The following EPSTI1 variants were observed in gnomAD, a reference collection of about 807,000 sequenced individuals.
EPSTI1 encodes epithelial stromal interaction 1.
In EPSTI1, 66 loss-of-function variants were observed where a neutral mutation model predicts 49.9. The ratio of observed to expected loss-of-function variants is 1.32; its 90% CI spans 1.08 to 1.62. The LOEUF is 1.62. EPSTI1 is among the 40% of genes most tolerant of loss of function. The probability of loss-of-function intolerance (pLI) is 0.00; values close to 1 mark genes in which losing one functional copy is unlikely to be tolerated. For synonymous variants in EPSTI1, 137 were observed against 130.7 expected (o/e 1.05, Z -0.33); for missense variants, 394 against 365.5 (o/e 1.08, Z -0.64).
At chr13:42,897,583 A>G (rs766436517) in intron 9 of EPSTI1, among the ~76,000 whole-genome samples, 1 of 152,242 alleles carries the variant, frequency 6.6e-6, no homozygotes, top group African/African-American at 2.4e-5. Context: ...ACTGCAAAAC[A>G]GCTCACTGGC....
At chr13:42,989,567 C>CTTTTTTTTTTTTTT in intron 1 of EPSTI1, among the ~76,000 whole-genome samples, 6 of 79,018 alleles carry the variant, frequency 7.6e-5, no homozygotes, top group Admixed American at 1.6e-4. Context: ...CCTCTTTTTT[C>CTTTTTTTTTTTTTT]TTTTTTTTTT....
At chr13:42,940,309 T>A (rs1318207127) in intron 6 of EPSTI1, among the ~76,000 whole-genome samples, 1 of 152,212 alleles carries the variant, frequency 6.6e-6, no homozygotes, top group Non-Finnish European at 1.5e-5. Flanking sequence ...AAATGTCATT[T>A]TCTTGGAAAG....
intron 7 of EPSTI1, among the ~76,000 whole-genome samples, chr13:42,919,826 T>A (rs1401531705): frequency 1.3e-5 from 2 of 152,108 alleles, no homozygotes; most frequent in African/African-American, 4.8e-5. Flanking sequence ...AGTGCATGAG[T>A]TTGCTAGGGC....
intron 1 of EPSTI1, among the ~76,000 whole-genome samples, chr13:42,972,830 A>G (rs1166279420): frequency 1.3e-5 from 2 of 152,194 alleles, no homozygotes; most frequent in Non-Finnish European, 2.9e-5. Context: ...CAACCACTCA[A>G]CATGAGTTCT....
chr13:42,927,477 A>C (rs900583950), intron 6 of EPSTI1, among the ~76,000 whole-genome samples: 2 of 152,136 alleles, frequency 1.3e-5, no homozygotes, highest in African/African-American at 4.8e-5. Context: ...GCTTCCCCCT[A>C]ATATTTTAAG....
chr13:42,989,043 T>TTTA (rs2040137581), intron 1 of EPSTI1, among the ~76,000 whole-genome samples: 2 of 141,894 alleles, frequency 1.4e-5, no homozygotes, highest in Non-Finnish European at 3.0e-5. Flanking sequence ...TTTTTTTTTT[T>TTTA]TTTTTTTTTT....
At chr13:42,892,731 T>C (rs891451031) in intron 10 of EPSTI1, among the ~76,000 whole-genome samples, 1 of 152,134 alleles carries the variant, frequency 6.6e-6, no homozygotes, top group Non-Finnish European at 1.5e-5. Flanking sequence ...TCTAATTTCA[T>C]AAGAATGAAT....
At position 42,986,744 on chromosome 13, in the gene EPSTI1, C is replaced by CAA. The variant is rs71099813; in HGVS notation, c.188+5232_188+5233dup. Among the ~76,000 whole-genome samples, 15 of 80,806 alleles carry CAA rather than the reference C, an allele frequency of 1.9e-4. 1 individual carries two copies. Among genetic ancestry groups the CAA allele is most frequent in the African/African-American group, 9.4e-4 (15 of 15,980 alleles). The allele number at this position is 80,806 out of a possible 152,430, so 53.0% of individuals were successfully genotyped here. A position where few individuals can be genotyped will look rare whatever the true frequency, so the allele number is the denominator to read the frequency against. On this transcript the variant is annotated intron_variant, in intron 1 of 10. Transcript: ENST00000313624. ...TGGGTGACACAGCAAGATTCCATCT[C>CAA]AAAAAAAAAAAAAAAAAAAAAAAAA...
intron 1 of EPSTI1, among the ~76,000 whole-genome samples, chr13:42,989,266 T>C (rs1318833854): frequency 6.6e-6 from 1 of 152,100 alleles, no homozygotes; most frequent in Non-Finnish European, 1.5e-5. Flanking sequence ...GTTTTACACA[T>C]ATACACGTGG....
At chr13:42,969,264 G>A (rs2039706833) in intron 2 of EPSTI1, 87 bp from the exon 3 acceptor site, 2 of 1,293,102 alleles carry the variant, frequency 1.5e-6, no homozygotes, top group African/African-American at 1.5e-5. Flanking sequence ...ACAACTATTA[G>A]AAGGCAATTA....
chr13:42,989,467 G>T (rs1271598014), intron 1 of EPSTI1, among the ~76,000 whole-genome samples: 1 of 149,504 alleles, frequency 6.7e-6, no homozygotes, highest in Non-Finnish European at 1.5e-5. Context: ...TTAATGGAAG[G>T]ATTCCCACAA....
intron 8 of EPSTI1, among the ~76,000 whole-genome samples, chr13:42,913,477 T>C (rs2037744492): frequency 6.6e-6 from 1 of 152,222 alleles, no homozygotes; most frequent in Non-Finnish European, 1.5e-5. Flanking sequence ...TACTTCATAT[T>C]GATAAAATCT....
At chr13:42,981,773 T>A (rs2153435711) in intron 1 of EPSTI1, among the ~76,000 whole-genome samples, 1 of 152,360 alleles carries the variant, frequency 6.6e-6, no homozygotes, top group South Asian at 2.1e-4. Flanking sequence ...ATTCAGTGGA[T>A]TTATTTTTAA....
chr13:42,938,762 G>T (rs1416232683), intron 6 of EPSTI1, among the ~76,000 whole-genome samples: 1 of 151,430 alleles, frequency 6.6e-6, no homozygotes, highest in African/African-American at 2.4e-5. Context: ...AAAAATACAA[G>T]AAATTGGCCA....
rs531576667 is a variant in EPSTI1, at chr13:42,980,746, G to A, written c.189-10076C>T. Among the ~76,000 whole-genome samples, 47 of 151,518 alleles carry A rather than the reference G, an allele frequency of 3.1e-4. 2 individuals carry two copies. The South Asian group carries it at 9.5e-3, about 31-fold the overall frequency. On this transcript the variant is annotated intron_variant, in intron 1 of 10. Transcript: ENST00000313624. ...AATAAAGAGTCAAAGAGTGCAATCT[G>A]TACTTTAGAGATTTCTTTACACTAA... is the stretch of plus-strand genomic sequence containing the variant.
At chr13:42,949,330 C>T (rs1383204920) in intron 6 of EPSTI1, among the ~76,000 whole-genome samples, 6 of 152,166 alleles carry the variant, frequency 3.9e-5, no homozygotes, top group Non-Finnish European at 8.8e-5. Context: ...TGGCTCACGC[C>T]TGTAATCCCA....
At chr13:42,917,397 C>G in intron 8 of EPSTI1, 144 bp downstream of exon 8, 4 of 791,816 alleles carry the variant, frequency 5.1e-6, no homozygotes, top group Non-Finnish European at 8.2e-6. Flanking sequence ...AAAACACATC[C>G]AGAAACTCAC....
At chr13:42,894,931 C>T in intron 10 of EPSTI1, 78 bp downstream of exon 10, 2 of 1,321,494 alleles carry the variant, frequency 1.5e-6, no homozygotes, top group Non-Finnish European at 2.1e-6. Flanking sequence ...GGGAGAAGGC[C>T]AAAACATATA....
rs949291865 is a variant in EPSTI1 at position 42,887,564 on chromosome 13, G to C, written c.*930C>G. 1 of 152,258 alleles carries C rather than the reference G, an allele frequency of 6.6e-6. No homozygotes were observed. The highest frequency in any genetic ancestry group is 2.4e-5 in the African/African-American group (1 of 41,440). The allele number at this position is 152,258 out of a possible 1,614,324, so 9.4% of individuals were successfully genotyped here. On this transcript the variant is annotated 3_prime_UTR_variant, in exon 11 of 11. Coordinates refer to ENST00000313624, the MANE Select transcript of EPSTI1 (RefSeq NM_033255.5). ...CAATGTGGTGGCTGGGGGACGGTGA[G>C]GCGGAGGGGACAGAGGGATTGAGCT...
Sources: gnomAD v4.1 joint callset for allele counts (sites outside exome capture counted in the v4.1 genomes callset) on GRCh38, gnomAD v4.1.1 for gene constraint, MANE v1.5 for transcripts, NCBI Gene and HGNC (gene_info 2026-07-23, HGNC 2026-07-21) for gene names.